EPHA6: variants seen among roughly 807,000 people sequenced by gnomAD.
EPHA6 encodes the protein ephrin type-A receptor 6.
Under a neutral mutation model 112.0 loss-of-function variants are expected in EPHA6, and 50 were observed. That is an observed-to-expected ratio of 0.45 (90% CI 0.36 to 0.56). The LOEUF is 0.56. Among genes scored for constraint, EPHA6 ranks in the 20% least tolerant of loss-of-function variants. EPHA6 has a pLI of 0.00. For missense variants in EPHA6, 1,280 were observed against 1,417.4 expected, an observed-to-expected ratio of 0.90 and a Z score of 1.56; for synonymous variants, 529 against 490.7, an observed-to-expected ratio of 1.08 and a Z score of -1.03.
chr3:96,980,957 C>T (rs1439697030), intron 2 of EPHA6, among the ~76,000 whole-genome samples: 4 of 152,024 alleles, frequency 2.6e-5, no homozygotes, highest in Admixed American at 6.6e-5. Context: ...TGGGCTGAGA[C>T]GATGGGGTTT....
intron 12 of EPHA6, among the ~76,000 whole-genome samples, chr3:97,595,902 C>CTTTTT (rs1198606431): frequency 1.0e-4 from 12 of 115,038 alleles, no homozygotes; most frequent in Non-Finnish European, 1.4e-4. Context: ...GACATATTCT[C>CTTTTT]TTTTTTTTTT....
chr3:97,486,354 C>T (rs2091697963), intron 10 of EPHA6, among the ~76,000 whole-genome samples: 1 of 152,186 alleles, frequency 6.6e-6, no homozygotes. Context: ...AGTATTATAA[C>T]CTAACTTGCG....
intron 3 of EPHA6, among the ~76,000 whole-genome samples, chr3:97,028,355 A>T (rs567152290): frequency 6.6e-6 from 1 of 152,284 alleles, no homozygotes; most frequent in East Asian, 1.9e-4. Context: ...GACAATATAG[A>T]TTAAATATTG....
At chr3:97,268,031 T>C (rs1383526580) in intron 5 of EPHA6, among the ~76,000 whole-genome samples, 1 of 152,160 alleles carries the variant, frequency 6.6e-6, no homozygotes, top group Non-Finnish European at 1.5e-5. Flanking sequence ...TATTCAGTGA[T>C]AATTTAGTGA....
chr3:97,522,724 G>T (rs1043175122), intron 10 of EPHA6, among the ~76,000 whole-genome samples: 1 of 151,748 alleles, frequency 6.6e-6, no homozygotes, highest in African/African-American at 2.4e-5. Context: ...TTTTATTCTT[G>T]GTCTGTTCAA....
intron 3 of EPHA6, among the ~76,000 whole-genome samples, chr3:97,131,069 A>T (rs1303725004): frequency 6.6e-6 from 1 of 152,172 alleles, no homozygotes; most frequent in Admixed American, 6.5e-5. Context: ...CTGATACTAC[A>T]GTGGCAGATT....
chr3:96,995,125 G>C (rs2043372410), intron 3 of EPHA6, among the ~76,000 whole-genome samples: 3 of 152,032 alleles, frequency 2.0e-5, no homozygotes, highest in Admixed American at 2.0e-4. Flanking sequence ...CTCTTGAAGA[G>C]TGTTGTTATT....
intron 2 of EPHA6, among the ~76,000 whole-genome samples, chr3:96,922,494 T>C (rs1005265164): frequency 6.6e-6 from 1 of 152,306 alleles, no homozygotes; most frequent in South Asian, 2.1e-4. Flanking sequence ...TTTTATTACA[T>C]GTGAAAATTT....
chr3:96,825,098 A>G (rs1364862844), intron 1 of EPHA6, among the ~76,000 whole-genome samples: 2 of 151,992 alleles, frequency 1.3e-5, no homozygotes, highest in South Asian at 4.1e-4. Context: ...GAAAATAATT[A>G]GAGAATTAAG....
intron 5 of EPHA6, among the ~76,000 whole-genome samples, chr3:97,283,298 T>C (rs1044052463): frequency 2.3e-4 from 35 of 152,284 alleles, no homozygotes; most frequent in African/African-American, 7.5e-4. Flanking sequence ...ATATTTGAAA[T>C]ATAAATTATT....
intron 3 of EPHA6, among the ~76,000 whole-genome samples, chr3:97,159,217 T>C (rs529009961): frequency 1.3e-5 from 2 of 152,242 alleles, no homozygotes; most frequent in South Asian, 2.1e-4. Context: ...CTTACCTTCA[T>C]TGTGGAGTCG....
intron 2 of EPHA6, among the ~76,000 whole-genome samples, chr3:96,977,743 A>G (rs2107804406): frequency 6.6e-6 from 1 of 152,278 alleles, no homozygotes; most frequent in African/African-American, 2.4e-5. Flanking sequence ...GTTAACTACT[A>G]ATAGCCTACT....
chr3:97,018,075 ACT>A (rs2044325727), intron 3 of EPHA6, among the ~76,000 whole-genome samples: 2 of 149,762 alleles, frequency 1.3e-5, no homozygotes, highest in African/African-American at 4.9e-5. Flanking sequence ...CTATTGAAAG[ACT>A]CTGATACATT....
chr3:96,910,052 C>G (rs1179063452), intron 2 of EPHA6, among the ~76,000 whole-genome samples: 2 of 151,928 alleles, frequency 1.3e-5, no homozygotes, highest in African/African-American at 4.8e-5. Context: ...CTCTGAATGC[C>G]AATAAAGTCT....
intron 3 of EPHA6, among the ~76,000 whole-genome samples, chr3:97,162,784 A>G (rs78637276): frequency 0.013 from 2,012 of 151,850 alleles, 29 homozygotes; most frequent in African/African-American, 0.045. Flanking sequence ...AGAGAGCATG[A>G]CTCTCTGTTT....
Position 97,062,685 on chromosome 3 carries a change from A to G in EPHA6, c.1114+74692A>G, listed in dbSNP as rs146663705. Among the ~76,000 whole-genome samples, 238 of 152,210 alleles carry G rather than the reference A, an allele frequency of 1.6e-3. 1 individual carries two copies. Among genetic ancestry groups the G allele is most frequent in the African/African-American group, 5.3e-3 (222 of 41,534 alleles). On this transcript the variant is annotated intron_variant, in intron 3 of 17. Transcript: ENST00000389672. ...TGGTGAATAAGTCTTATGAGATCTG[A>G]TGGTTTTATAAGGGGAAACCCCTCT... is the stretch of plus-strand genomic sequence containing the variant.
chr3:97,033,623 A>G (rs905187704), intron 3 of EPHA6, among the ~76,000 whole-genome samples: 1 of 151,986 alleles, frequency 6.6e-6, no homozygotes, highest in African/African-American at 2.4e-5. Context: ...AGAAAATTGC[A>G]CATATTCTTA....
intron 5 of EPHA6, among the ~76,000 whole-genome samples, chr3:97,365,396 CTT>C (rs869066174): frequency 6.9e-6 from 1 of 145,706 alleles, no homozygotes; most frequent in African/African-American, 2.5e-5. Context: ...ATCATAAAGA[CTT>C]TTTTTTTTTT....
chr3:97,186,069 G>A (rs1012567555), intron 3 of EPHA6, among the ~76,000 whole-genome samples: 16 of 131,282 alleles, frequency 1.2e-4, no homozygotes, highest in African/African-American at 3.5e-4. Flanking sequence ...TTGTGGGGTC[G>A]GGGGAGGGGG....
Sources: allele counts gnomAD v4.1 joint callset (sites outside exome capture counted in the v4.1 genomes callset), GRCh38; gene constraint gnomAD v4.1.1; transcripts MANE v1.5; gene names NCBI Gene and HGNC (gene_info 2026-07-23, HGNC 2026-07-21).